Variants in LNPK observed in about 807,000 individuals in gnomAD.
The protein encoded by LNPK is endoplasmic reticulum junction formation protein lunapark.
Under a neutral mutation model 55.2 loss-of-function variants are expected in LNPK, and 29 were observed. That is an observed-to-expected ratio of 0.53 (90% CI 0.39 to 0.72). LNPK has a LOEUF of 0.72. Among genes scored for constraint, LNPK ranks in the 30% least tolerant of loss-of-function variants. The pLI is 0.00. For synonymous variants in LNPK, 162 were observed against 168.2 expected (o/e 0.96, Z 0.29); for missense variants, 467 against 494.8 (o/e 0.94, Z 0.53).
At position 175,929,733 on chromosome 2, in the gene LNPK, A is replaced by G; in HGVS notation, c.*234T>C. ...CAAAAAAGTATCTAAAAGCTGTCTC[A>G]ATAGTGTGGGTCTTTGTACATTCAA... On this transcript the variant is annotated 3_prime_UTR_variant, in exon 13 of 13. Transcript: ENST00000272748. 7.3e-7 allele frequency: 1 copy of G among 1,362,342 alleles called. No individual in the cohort carries two copies. The highest frequency in any genetic ancestry group is 9.4e-7 in the Non-Finnish European group (1 of 1,061,634). The allele number at this position is 1,362,342 out of a possible 1,614,324, so 84.4% of individuals were successfully genotyped here. A position where few individuals can be genotyped will look rare whatever the true frequency, so the allele number is the denominator to read the frequency against.
intron 10 of LNPK, 46 bp downstream of exon 10, chr2:175,939,506 C>T: frequency 9.4e-7 from 1 of 1,069,260 alleles, no homozygotes; most frequent in Non-Finnish European, 1.4e-6. Context: ...CACACACACA[C>T]ATCCTGTTTT....
At chr2:175,973,645 T>A (rs189420919) in intron 5 of LNPK, among the ~76,000 whole-genome samples, 296 of 152,310 alleles carry the variant, frequency 1.9e-3, no homozygotes, top group Middle Eastern at 3.4e-3. Context: ...TATTCTCACC[T>A]AAAGTTGTTC....
At chr2:175,993,157 A>T in intron 3 of LNPK, 25 bp downstream of exon 3, 3 of 1,434,856 alleles carry the variant, frequency 2.1e-6, no homozygotes, top group Non-Finnish European at 2.9e-6. Context: ...AATGAATTAA[A>T]ATACCTCACA....
At chr2:175,991,549 C>T (rs1687702565) in intron 4 of LNPK, among the ~76,000 whole-genome samples, 1 of 152,010 alleles carries the variant, frequency 6.6e-6, no homozygotes, top group African/African-American at 2.4e-5. Context: ...TTAAATGCTC[C>T]CATAGCATTT....
At chr2:175,989,967 G>A (rs1416722304) in intron 4 of LNPK, among the ~76,000 whole-genome samples, 1 of 152,142 alleles carries the variant, frequency 6.6e-6, no homozygotes, top group Non-Finnish European at 1.5e-5. Context: ...TGGGAAACTG[G>A]GAATGTGTAG....
chr2:175,980,313 C>T (rs966399243), intron 4 of LNPK, among the ~76,000 whole-genome samples: 4 of 152,168 alleles, frequency 2.6e-5, no homozygotes, highest in African/African-American at 9.7e-5. Context: ...GTTGCCACTC[C>T]TTCCCTATTA....
At chr2:175,932,991 AC>A (rs1232222391) in intron 12 of LNPK, among the ~76,000 whole-genome samples, 1 of 151,980 alleles carries the variant, frequency 6.6e-6, no homozygotes, top group Non-Finnish European at 1.5e-5. Flanking sequence ...TGAAACAATT[AC>A]CTGAATGACC....
At chr2:175,984,123 A>G (rs538536071) in intron 4 of LNPK, among the ~76,000 whole-genome samples, 1 of 152,252 alleles carries the variant, frequency 6.6e-6, no homozygotes, top group East Asian at 1.9e-4. Flanking sequence ...TGAAAAGACA[A>G]GACAATCTAA....
Position 176,002,265 on chromosome 2 carries a change from G to C in LNPK, c.-168C>G, listed in dbSNP as rs1050100031. The C allele has an allele frequency of 4.5e-6, 2 of 449,294 alleles. No individual in the cohort carries two copies. The highest frequency in any genetic ancestry group is 1.6e-5 in the South Asian group (1 of 63,722). The allele number at this position is 449,294 out of a possible 1,614,324, so 27.8% of individuals were successfully genotyped here. On this transcript the variant is annotated 5_prime_UTR_variant, in exon 1 of 13. Coordinates refer to ENST00000272748, the MANE Select transcript of LNPK (RefSeq NM_030650.3). The stretch of plus-strand genomic sequence containing the variant: ...AGGCAGCAGCCGCCACTGACAGAGA[G>C]ACAAGCCGGGCCAACTCCTTCCCAT...
chr2:175,997,931 G>A (rs1688009774), intron 1 of LNPK, among the ~76,000 whole-genome samples: 1 of 150,588 alleles, frequency 6.6e-6, no homozygotes, highest in African/African-American at 2.4e-5. Flanking sequence ...GGTAGAGACA[G>A]GAATTTCACC....
intron 6 of LNPK, chr2:175,967,687 T>C (rs1467257828): frequency 1.0e-6 from 1 of 983,062 alleles, no homozygotes; most frequent in Non-Finnish European, 1.2e-6. Context: ...AGGTTTGCTG[T>C]TGAAATTGAT....
At chr2:175,979,608 C>T (rs1687076977) in intron 5 of LNPK, among the ~76,000 whole-genome samples, 1 of 151,074 alleles carries the variant, frequency 6.6e-6, no homozygotes, top group African/African-American at 2.4e-5. Flanking sequence ...AAAAAAAAAT[C>T]TAAATGAACA....
In LNPK at chr2:175,943,099, G is replaced by A. The variant is rs371889940; in HGVS notation, c.707-3442C>T. 3.4e-3 allele frequency among the ~76,000 whole-genome samples: 521 copies of A among 151,488 alleles called. 15 individuals carry two copies. The South Asian group carries it at 0.072, about 21-fold the overall frequency. ...TTCCTTGAAAGACTACCAAACTACCGAAGTTCACTCAAGAAGATAAAAATA... is the reference window on the plus strand; with the variant it reads ...TTCCTTGAAAGACTACCAAACTACCAAAGTTCACTCAAGAAGATAAAAATA... On this transcript the variant is annotated intron_variant, in intron 9 of 12. Transcript: ENST00000272748.
In LNPK at chr2:175,929,868, T is replaced by C; in HGVS notation, c.*99A>G. ...TCTGAATTCAAATGATACACAAGCA[T>C]ACCCTTAGAGGGGCAAAAAAAGTAA... On this transcript the variant is annotated 3_prime_UTR_variant, in exon 13 of 13. Coordinates refer to ENST00000272748, the MANE Select transcript of LNPK (RefSeq NM_030650.3). The C allele has an allele frequency of 1.3e-6, 2 of 1,528,330 alleles. No individual in the cohort carries two copies. The highest frequency in any genetic ancestry group is 1.8e-6 in the Non-Finnish European group (2 of 1,138,432). 94.7% of individuals were successfully genotyped at this position (1,528,330 alleles called of 1,614,324 possible). A position where few individuals can be genotyped will look rare whatever the true frequency, so the allele number is the denominator to read the frequency against.
chr2:175,943,404 CATAACTCTG>C (rs1414528317), intron 9 of LNPK, among the ~76,000 whole-genome samples: 1 of 151,854 alleles, frequency 6.6e-6, no homozygotes, highest in Non-Finnish European at 1.5e-5. Context: ...ATGAAACCGA[CATAACTCTG>C]ATAACTCTGA....
rs1683982305 is a variant in LNPK, at chr2:175,925,680, T to A, written c.*4287A>T. 1.9e-5 allele frequency: 3 copies of A among 155,686 alleles called. No homozygotes were observed. The highest frequency in any genetic ancestry group is 4.1e-4 in the South Asian group (2 of 4,858). 9.6% of individuals were successfully genotyped at this position (155,686 alleles called of 1,614,324 possible). On this transcript the variant is annotated 3_prime_UTR_variant, in exon 13 of 13. Transcript: ENST00000272748. The stretch of plus-strand genomic sequence containing the variant: ...CATTTTCTTTCTTTCTTTTTTTTTT[T>A]TGAGATGGAGTTTCACTCTTGTTGC...
rs749610470 is a variant in LNPK at position 175,959,800 on chromosome 2, G to A, written c.493+4572C>T. ...TAGAGTCAAGACCCATCAGTGTGCT[G>A]TATTCAGGAAACCCATCTCATGTGC... is the stretch of plus-strand genomic sequence containing the variant. On this transcript the variant is annotated intron_variant, in intron 8 of 12. Transcript: ENST00000272748. Among the ~76,000 whole-genome samples the A allele has an allele frequency of 2.0e-5, 3 of 152,144 alleles. No homozygotes were observed. The South Asian group carries it at 6.2e-4, about 32-fold the overall frequency.
rs1002196779 is a variant in LNPK at position 175,929,525 on chromosome 2, C to T, written c.*442G>A. The T allele has an allele frequency of 7.1e-6, 7 of 992,904 alleles. No homozygotes were observed. Among genetic ancestry groups the T allele is most frequent in the Middle Eastern group, 5.1e-4 (1 of 1,952 alleles). 61.5% of individuals were successfully genotyped at this position (992,904 alleles called of 1,614,324 possible). On this transcript the variant is annotated 3_prime_UTR_variant, in exon 13 of 13. Coordinates refer to ENST00000272748, the MANE Select transcript of LNPK (RefSeq NM_030650.3). ...CTCCCAGTTGTAAATATCTCAGGAG[C>T]TAAAATTCTATCAATTTTTAATAAT...
chr2:175,952,082 G>GTTTGT (rs151140933), intron 8 of LNPK, among the ~76,000 whole-genome samples: 1 of 151,754 alleles, frequency 6.6e-6, no homozygotes, highest in African/African-American at 2.4e-5. Context: ...TGATGGGATT[G>GTTTGT]TTTTTTCTTG....
Sources: gnomAD v4.1 joint callset for allele counts (sites outside exome capture counted in the v4.1 genomes callset) on GRCh38, gnomAD v4.1.1 for gene constraint, MANE v1.5 for transcripts, NCBI Gene and HGNC (gene_info 2026-07-23, HGNC 2026-07-21) for gene names.